INTS6: variants seen among roughly 807,000 people sequenced by gnomAD.
INTS6 encodes the protein DEAD box protein.
Under a neutral mutation model 104.9 loss-of-function variants are expected in INTS6, and 16 were observed. The observed-to-expected ratio is 0.15, with a 90% CI of 0.10 to 0.23. INTS6 has a LOEUF of 0.23. INTS6 is among the 10% of genes least tolerant of loss of function. The pLI, the probability that INTS6 is intolerant of heterozygous loss-of-function variation, is 1.00. For missense variants in INTS6, 584 were observed against 1,062.8 expected (o/e 0.55, Z 6.26); for synonymous variants, 324 against 358.7 (o/e 0.90, Z 1.09).
At chr13:51,347,239 G>A in the INTS6 span, 2 of 1,612,156 alleles carry the variant, frequency 1.2e-6, no homozygotes, top group Non-Finnish European at 1.7e-6. Context: ...ACTACGGTGA[G>A]CTCTGCCCCT....
the INTS6 span, chr13:51,341,497 G>T: frequency 7.5e-6 from 6 of 802,938 alleles, no homozygotes; most frequent in Non-Finnish European, 1.2e-5. Flanking sequence ...TCACCCTGCT[G>T]CTCAGGCTAC....
the INTS6 span, among the ~76,000 whole-genome samples, chr13:51,337,801 T>C: frequency 6.6e-6 from 1 of 152,210 alleles, no homozygotes; most frequent in African/African-American, 2.4e-5. Flanking sequence ...TCTCTATATA[T>C]GTTGTTAAAA....
At chr13:51,348,715 G>C in the INTS6 span, 1 of 333,604 alleles carries the variant, frequency 3.0e-6, no homozygotes, top group Non-Finnish European at 5.5e-6. Flanking sequence ...TCCAGCCCTA[G>C]GCTGGACCAG....
At chr13:51,349,317 G>A (rs1342337000), downstream of INTS6, among the ~76,000 whole-genome samples, 1 of 152,150 alleles carries the variant, frequency 6.6e-6, no homozygotes, top group African/African-American at 2.4e-5. Context: ...AGTAAGTTAA[G>A]GGCCAAGGTC....
chr13:51,393,222 C>T (rs145917093), intron 5 of INTS6, among the ~76,000 whole-genome samples: 11,622 of 152,064 alleles, frequency 0.076, 554 homozygotes, highest in South Asian at 0.14. Flanking sequence ...GGATTACAGG[C>T]GTGTGCCATC....
intron 3 of INTS6, chr13:51,440,473 GT>G (rs1566250810): frequency 6.6e-6 from 1 of 152,144 alleles, no homozygotes; most frequent in Non-Finnish European, 1.5e-5. Context: ...TAAGTGTACA[GT>G]TTATAAAGTC....
intron 9 of INTS6, among the ~76,000 whole-genome samples, chr13:51,382,352 A>C (rs1428108622): frequency 6.6e-6 from 1 of 152,264 alleles, no homozygotes; most frequent in East Asian, 1.9e-4. Flanking sequence ...ATCAGAAAAC[A>C]CACAAGGAAA....
intron 4 of INTS6, among the ~76,000 whole-genome samples, chr13:51,417,137 T>C (rs1156836012): frequency 6.6e-6 from 1 of 152,198 alleles, no homozygotes; most frequent in African/African-American, 2.4e-5. Context: ...CACAGATAAA[T>C]GATTTGCAAA....
At chr13:51,398,333 A>T (rs1246829699) in intron 4 of INTS6, among the ~76,000 whole-genome samples, 1 of 152,166 alleles carries the variant, frequency 6.6e-6, no homozygotes, top group Non-Finnish European at 1.5e-5. Context: ...ATAAATGAAG[A>T]AAAATATAAA....
At chr13:51,348,380 A>C in the INTS6 span, 5 of 1,613,858 alleles carry the variant, frequency 3.1e-6, no homozygotes. Flanking sequence ...CACCAGCCTG[A>C]GGAGAGCCAG....
intron 3 of INTS6, chr13:51,437,087 A>C (rs778965418): frequency 6.6e-6 from 1 of 152,204 alleles, no homozygotes; most frequent in Non-Finnish European, 1.5e-5. Flanking sequence ...GGAAAATTTT[A>C]TTCTAGTGAA....
downstream of INTS6, among the ~76,000 whole-genome samples, chr13:51,361,099 A>C (rs956827385): frequency 1.3e-5 from 2 of 151,744 alleles, no homozygotes; most frequent in Non-Finnish European, 2.9e-5. Flanking sequence ...AGAATTTTCC[A>C]AACAGCTACC....
At chr13:51,447,104 GT>G (rs1952935029) in intron 3 of INTS6, 1 of 152,090 alleles carries the variant, frequency 6.6e-6, no homozygotes, top group African/African-American at 2.4e-5. Context: ...TCATCATTGT[GT>G]TTCCAGTTTA....
chr13:51,452,881 A>C lies in INTS6; in HGVS notation c.-356T>G. ...CAGCGGGAGACGGGCCTGGCTCCCC[A>C]CCCCACCCCCGGTACAGGAGTGGGG... On this transcript the variant is annotated 5_prime_UTR_variant, in exon 1 of 18. Coordinates refer to ENST00000311234, the MANE Select transcript of INTS6 (RefSeq NM_012141.3). This position sits in a 1 kb window ranked among gnomAD's most constrained non-coding sequence, Gnocchi z 4.2. 8.9e-7 allele frequency: 1 copy of C among 1,124,340 alleles called. No individual in the cohort carries two copies. Among genetic ancestry groups the C allele is most frequent in the South Asian group, 2.0e-5 (1 of 50,818 alleles). The allele number at this position is 1,124,340 out of a possible 1,614,324, so 69.6% of individuals were successfully genotyped here. A position where few individuals can be genotyped will look rare whatever the true frequency, so the allele number is the denominator to read the frequency against.
At chr13:51,447,143 A>AG (rs1335842547) in intron 3 of INTS6, 5 of 152,236 alleles carry the variant, frequency 3.3e-5, no homozygotes, top group Non-Finnish European at 7.3e-5. Context: ...TTTCAGGTAT[A>AG]GTAATTAACT....
the INTS6 span, among the ~76,000 whole-genome samples, chr13:51,345,004 G>C: frequency 5.3e-5 from 8 of 152,216 alleles, no homozygotes; most frequent in South Asian, 8.3e-4. Context: ...CAGCAATGAG[G>C]TGTGAATCAG....
chr13:51,441,588 A>T (rs994895131), intron 3 of INTS6: 1 of 152,208 alleles, frequency 6.6e-6, no homozygotes, highest in South Asian at 2.1e-4. Context: ...CCAGGAAAAA[A>T]GTTATAAATG....
downstream of INTS6, among the ~76,000 whole-genome samples, chr13:51,359,258 C>CAATAAAA (rs1182467539): frequency 6.6e-6 from 1 of 151,902 alleles, no homozygotes; most frequent in Admixed American, 6.6e-5. Context: ...AATAGCTACT[C>CAATAAAA]AATAAAAAAT....
chr13:51,342,156 T>C, the INTS6 span, among the ~76,000 whole-genome samples: 1 of 124,268 alleles, frequency 8.0e-6, no homozygotes, highest in African/African-American at 3.2e-5. Context: ...GACTAGGATC[T>C]AGGAATTCAG....
Sources: gnomAD v4.1 joint callset for allele counts (sites outside exome capture counted in the v4.1 genomes callset) on GRCh38, gnomAD v4.1.1 for gene constraint, Gnocchi (gnomAD v3.1) non-coding constraint, MANE v1.5 for transcripts, NCBI Gene and HGNC (gene_info 2026-07-23, HGNC 2026-07-21) for gene names.